Variants in IQCH observed in about 807,000 individuals in gnomAD.
IQCH encodes IQ motif containing H.
IQCH carries 98 observed loss-of-function variants against 117.0 expected under a neutral mutation model. The observed-to-expected ratio is 0.84, with a 90% CI of 0.71 to 0.99. The LOEUF (loss-of-function observed/expected upper bound fraction) is 0.99. Among genes scored for constraint, IQCH ranks in the 50% least tolerant of loss-of-function variants. IQCH has a pLI of 0.00. For missense variants in IQCH, 1,102 were observed against 1,243.8 expected (o/e 0.89, Z 1.72); for synonymous variants, 412 against 448.2 (o/e 0.92, Z 1.02).
In IQCH at chr15:67,384,881, AT is replaced by A. The variant is rs1971057975; in HGVS notation, c.1373-51del. 3 of 1,107,042 alleles carry A rather than the reference AT, an allele frequency of 2.7e-6. No individual in the cohort carries two copies. The highest frequency in any genetic ancestry group is 4.2e-6 in the Non-Finnish European group (3 of 722,678). The allele number at this position is 1,107,042 out of a possible 1,614,324, so 68.6% of individuals were successfully genotyped here. ...TGACATTTTGAAATTCTCTTGTGCC[AT>A]TTTGCTATATCGACTTGCTCTTTCT... On this transcript the variant is annotated intron_variant, in intron 10 of 20. Coordinates refer to ENST00000335894, the MANE Select transcript of IQCH (RefSeq NM_001031715.3). The surrounding 1 kb of genome is among the most constrained non-coding windows in gnomAD (Gnocchi z 4.3).
In IQCH at chr15:67,342,274, G is replaced by A. The variant is rs1969208679; in HGVS notation, c.509-1789G>A. On this transcript the variant is annotated intron_variant, in intron 5 of 20. Coordinates refer to ENST00000335894, the MANE Select transcript of IQCH (RefSeq NM_001031715.3). This position sits in a 1 kb window ranked among gnomAD's most constrained non-coding sequence, Gnocchi z 4.7. ...AGAATGAGACCCTGTCTCTAAAAAA[G>A]CAAAACAAAACAAAGATGCATACAG... Among the ~76,000 whole-genome samples the A allele has an allele frequency of 6.6e-6, 1 of 151,994 alleles. No individual in the cohort carries two copies. Among genetic ancestry groups the A allele is most frequent in the Non-Finnish European group, 1.5e-5 (1 of 67,992 alleles).
Position 67,443,854 on chromosome 15 carries a change from T to G in IQCH, c.2506-21273T>G, listed in dbSNP as rs2082335175. Reference sequence around the variant, plus strand: ...TGTGCCAAGCACTCTGTTATGTATTTTACATGTAGTAACCCTAATCTTCAC... The same window carrying G: ...TGTGCCAAGCACTCTGTTATGTATTGTACATGTAGTAACCCTAATCTTCAC... On this transcript the variant is annotated intron_variant, in intron 16 of 20. Transcript: ENST00000335894. This position sits in a 1 kb window ranked among gnomAD's most constrained non-coding sequence, Gnocchi z 5.0. Among the ~76,000 whole-genome samples the G allele has an allele frequency of 6.6e-6, 1 of 152,238 alleles. No individual in the cohort carries two copies.
At chr15:67,313,301 T>C (rs1157373599) in intron 4 of IQCH, among the ~76,000 whole-genome samples, 1 of 152,138 alleles carries the variant, frequency 6.6e-6, no homozygotes, top group Non-Finnish European at 1.5e-5. Flanking sequence ...TCAATTCTGG[T>C]GCTGTAAACC....
rs113606098 is a variant in IQCH, at chr15:67,477,317, G to C, written c.2799+1499G>C. Among the ~76,000 whole-genome samples, 532 of 152,140 alleles carry C rather than the reference G, an allele frequency of 3.5e-3. 7 individuals carry two copies. Among genetic ancestry groups the C allele is most frequent in the African/African-American group, 0.012 (510 of 41,520 alleles). ...CCGCCTCGGCTTCCCAAAGTATTGG[G>C]ATTACAGGCATGAGCCACCGCGCCC... On this transcript the variant is annotated intron_variant, in intron 18 of 20. Transcript: ENST00000335894.
intron 16 of IQCH, among the ~76,000 whole-genome samples, chr15:67,439,484 C>T (rs1567189852): frequency 6.6e-6 from 1 of 152,072 alleles, no homozygotes; most frequent in Non-Finnish European, 1.5e-5. Context: ...ATTCTAAGGT[C>T]ACACCTCAAG....
intron 18 of IQCH, among the ~76,000 whole-genome samples, chr15:67,488,222 G>A (rs1046663001): frequency 2.0e-4 from 31 of 152,298 alleles, no homozygotes; most frequent in African/African-American, 6.7e-4. Context: ...GGAAGCTGAG[G>A]TGGGAGGATC....
chr15:67,308,868 C>A (rs750486450), intron 4 of IQCH, among the ~76,000 whole-genome samples: 3 of 151,968 alleles, frequency 2.0e-5, no homozygotes, highest in Non-Finnish European at 4.4e-5. Flanking sequence ...GAGGCTATAG[C>A]CTTGTCAGAT....
In IQCH at chr15:67,501,287, C is replaced by A. The variant is rs1345069054; in HGVS notation, c.*541C>A. The A allele has an allele frequency of 1.3e-5, 2 of 151,828 alleles. No individual in the cohort carries two copies. The highest frequency in any genetic ancestry group is 4.2e-4 in the South Asian group (2 of 4,798). 9.4% of individuals were successfully genotyped at this position (151,828 alleles called of 1,614,324 possible). On this transcript the variant is annotated 3_prime_UTR_variant, in exon 21 of 21. Coordinates refer to ENST00000335894, the MANE Select transcript of IQCH (RefSeq NM_001031715.3). The surrounding 1 kb of genome is among the most constrained non-coding windows in gnomAD (Gnocchi z 5.2). ...ATCATTCATCGTGTTTTTGTTATAC[C>A]AAGCCACTATTGTCTGCTATTGTTG...
In IQCH at chr15:67,338,235, C is replaced by CTATCTATCTATCTATCTATCTATT. The variant is rs56991765; in HGVS notation, c.508+1153_508+1154insATCTATCTATTTATCTATCTATCT. On this transcript the variant is annotated intron_variant, in intron 5 of 20. Transcript: ENST00000335894. ...TCTATCTATCTATCTATCTATCTAT[C>CTATCTATCTATCTATCTATCTATT]TATCTATCTATCTGTCTGCTCTGCT... 6.4e-3 allele frequency among the ~76,000 whole-genome samples: 961 copies of CTATCTATCTATCTATCTATCTATT among 149,626 alleles called. 10 individuals carry two copies. Among genetic ancestry groups the CTATCTATCTATCTATCTATCTATT allele is most frequent in the East Asian group, 0.012 (60 of 4,968 alleles).
At chr15:67,389,489 T>A (rs972143464) in intron 12 of IQCH, among the ~76,000 whole-genome samples, 3 of 152,154 alleles carry the variant, frequency 2.0e-5, no homozygotes, top group Non-Finnish European at 4.4e-5. Context: ...TTTTTTTTTT[T>A]TAATTGGGCT....
intron 5 of IQCH, among the ~76,000 whole-genome samples, chr15:67,341,038 C>T (rs888647863): frequency 1.3e-5 from 2 of 151,998 alleles, no homozygotes; most frequent in African/African-American, 2.4e-5. Context: ...ATGGCAAAAC[C>T]GCAACCCCGA....
chr15:67,346,578 G>A (rs890275795), intron 6 of IQCH, among the ~76,000 whole-genome samples: 27 of 152,168 alleles, frequency 1.8e-4, no homozygotes, highest in African/African-American at 6.3e-4. Flanking sequence ...AACTCAGATG[G>A]TAATGCTTGC....
At chr15:67,312,410 C>T (rs1235639204) in intron 4 of IQCH, among the ~76,000 whole-genome samples, 1 of 152,058 alleles carries the variant, frequency 6.6e-6, no homozygotes, top group Admixed American at 6.6e-5. Flanking sequence ...AAGTTAGAGC[C>T]GTGATAGATC....
rs1414063270 is a variant in IQCH at position 67,421,572 on chromosome 15, C to G, written c.2500C>G (p.Gln834Glu). Residue 834 changes from glutamine (Q) to glutamate (E), a missense_variant, in exon 16 of 21, where the codon CAA (glutamine) becomes GAA (glutamate). Coordinates refer to ENST00000335894, the MANE Select transcript of IQCH (RefSeq NM_001031715.3). ...TTTTATAGATCCAAGCACCTTGGAA[C>G]AACAGGTAAGTTGAATGGATGCCAT... Reference protein sequence around the residue: ...VTFIDPSTLEQQVWATGLNLA... With the variant: ...VTFIDPSTLEEQVWATGLNLA... 6.2e-7 allele frequency: 1 copy of G among 1,613,916 alleles called. No individual in the cohort carries two copies. Among genetic ancestry groups the G allele is most frequent in the African/African-American group, 1.3e-5 (1 of 74,886 alleles).
rs543905687 is a variant in IQCH, at chr15:67,416,549, C to CA, written c.2098-374dup. ...AAAAAGAAAAAACAAAAAACAAAAA[C>CA]AAAAAAAACAGTTAACCCCACATTT... On this transcript the variant is annotated intron_variant, in intron 14 of 20. Transcript: ENST00000335894. This position sits in a 1 kb window ranked among gnomAD's most constrained non-coding sequence, Gnocchi z 5.1. Among the ~76,000 whole-genome samples, 13 of 150,224 alleles carry CA rather than the reference C, an allele frequency of 8.7e-5. No homozygotes were observed. Among genetic ancestry groups the CA allele is most frequent in the East Asian group, 2.0e-4 (1 of 5,104 alleles).
In IQCH at chr15:67,408,141, G is replaced by T. The variant is rs2081355627; in HGVS notation, c.2097+7836G>T. On this transcript the variant is annotated intron_variant, in intron 14 of 20. Transcript: ENST00000335894. This position sits in a 1 kb window ranked among gnomAD's most constrained non-coding sequence, Gnocchi z 4.2. The stretch of plus-strand genomic sequence containing the variant: ...TAACTACCAGTTTTTCGCAATAACA[G>T]CATGGAAGGAAGGAATAAAGCAAAA... The T allele has an allele frequency of 6.6e-6, 1 of 152,212 alleles. No homozygotes were observed. The highest frequency in any genetic ancestry group is 1.5e-5 in the Non-Finnish European group (1 of 68,044). 9.4% of individuals were successfully genotyped at this position (152,212 alleles called of 1,614,324 possible).
At chr15:67,316,203 G>A (rs1596164444) in intron 4 of IQCH, among the ~76,000 whole-genome samples, 1 of 152,048 alleles carries the variant, frequency 6.6e-6, no homozygotes, top group African/African-American at 2.4e-5. Flanking sequence ...CTTAAGATGG[G>A]GCTGACCCTT....
chr15:67,325,553 A>G (rs1968368218), intron 4 of IQCH, among the ~76,000 whole-genome samples: 1 of 152,144 alleles, frequency 6.6e-6, no homozygotes, highest in South Asian at 2.1e-4. Flanking sequence ...AAGTATGTAC[A>G]TATAATTATT....
intron 4 of IQCH, among the ~76,000 whole-genome samples, chr15:67,284,528 G>A (rs1315413857): frequency 6.6e-6 from 1 of 152,078 alleles, no homozygotes; most frequent in African/African-American, 2.4e-5. Flanking sequence ...CTTGTGTCAT[G>A]GGGATTTGTT....
Sources: gnomAD v4.1 joint callset for allele counts (sites outside exome capture counted in the v4.1 genomes callset) on GRCh38, gnomAD v4.1.1 for gene constraint, Gnocchi (gnomAD v3.1) non-coding constraint, MANE v1.5 for transcripts, NCBI Gene and HGNC (gene_info 2026-07-23, HGNC 2026-07-21) for gene names.